The following TJP1 variants were observed in gnomAD, a reference collection of about 807,000 sequenced individuals.
TJP1 encodes tight junction protein ZO-1.
A neutral mutation model predicts 194.2 loss-of-function variants in TJP1; 43 were observed. The ratio of observed to expected loss-of-function variants is 0.22; its 90% CI spans 0.17 to 0.29. The LOEUF (loss-of-function observed/expected upper bound fraction) is 0.29. Ranked by LOEUF, TJP1 falls within the 10% of genes least tolerant of loss-of-function variation. The pLI, the probability that TJP1 is intolerant of heterozygous loss-of-function variation, is 1.00. For synonymous variants in TJP1, 801 were observed against 779.0 expected (o/e 1.03, Z -0.47); for missense variants, 1,971 against 2,185.7 (o/e 0.90, Z 1.96).
At chr15:29,762,923 T>C (rs1250113167) in intron 5 of TJP1, among the ~76,000 whole-genome samples, 2 of 152,080 alleles carry the variant, frequency 1.3e-5, no homozygotes, top group Non-Finnish European at 2.9e-5. Flanking sequence ...TTCTAAAGAG[T>C]AAACTGCTTG....
At chr15:29,716,470 TA>T in intron 23 of TJP1, 140 bp downstream of exon 23, 1 of 636,592 alleles carries the variant, frequency 1.6e-6, no homozygotes, top group Non-Finnish European at 2.6e-6. Context: ...ATCCCAGAAC[TA>T]AAAAGTATGT....
intron 15 of TJP1, among the ~76,000 whole-genome samples, chr15:29,730,127 A>C (rs1053465257): frequency 2.6e-5 from 4 of 152,348 alleles, no homozygotes; most frequent in African/African-American, 7.2e-5. Flanking sequence ...AATTGGATAT[A>C]AACTTTTCTA....
At chr15:29,882,015 T>G (rs555281984) in intron 2 of TJP1, among the ~76,000 whole-genome samples, 2 of 152,096 alleles carry the variant, frequency 1.3e-5, no homozygotes, top group East Asian at 3.9e-4. Flanking sequence ...AAATTTGAAG[T>G]TTTTCTTATT....
At chr15:29,820,201 A>C (rs2050231722) in intron 1 of TJP1, among the ~76,000 whole-genome samples, 1 of 151,876 alleles carries the variant, frequency 6.6e-6, no homozygotes, top group Admixed American at 6.6e-5. Context: ...GGGTGGGGAA[A>C]ACAAACGCAT....
At chr15:29,850,824 G>GA (rs1234695949) in intron 2 of TJP1, among the ~76,000 whole-genome samples, 2 of 151,240 alleles carry the variant, frequency 1.3e-5, no homozygotes, top group Admixed American at 6.6e-5. Flanking sequence ...GTCTCTATGA[G>GA]AAAAAACAAA....
chr15:29,934,439 T>C (rs1264284506), intron 2 of TJP1, among the ~76,000 whole-genome samples: 2 of 152,156 alleles, frequency 1.3e-5, no homozygotes, highest in East Asian at 3.9e-4. Flanking sequence ...TGGCATTAAG[T>C]TTATATTGAG....
At position 29,779,120 on chromosome 15, in the gene TJP1, T is replaced by C. The variant is rs1220171202; in HGVS notation, c.85-5763A>G. Among the ~76,000 whole-genome samples the C allele has an allele frequency of 2.0e-5, 3 of 152,290 alleles. No homozygotes were observed. The East Asian group carries it at 5.8e-4, about 29-fold the overall frequency. ...CGAATGTGGGTCACTACAGTAACGG[T>C]TGCTTAAAGTTATTTCCAGGAACCA... On this transcript the variant is annotated intron_variant, in intron 2 of 27. Coordinates refer to ENST00000614355, the MANE Select transcript of TJP1 (RefSeq NM_001330239.4).
intron 2 of TJP1, among the ~76,000 whole-genome samples, chr15:29,870,220 C>A (rs2052464974): frequency 6.6e-6 from 1 of 151,952 alleles, no homozygotes; most frequent in South Asian, 2.1e-4. Flanking sequence ...AAATAAATTA[C>A]TGAATGTGTA....
chr15:29,941,742 C>A (rs2055086707), intron 2 of TJP1, among the ~76,000 whole-genome samples: 1 of 152,184 alleles, frequency 6.6e-6, no homozygotes, highest in Non-Finnish European at 1.5e-5. Context: ...GTACACGTAT[C>A]ACGTGTTTGT....
At chr15:29,764,568 G>A (rs1274295597) in intron 5 of TJP1, among the ~76,000 whole-genome samples, 2 of 152,176 alleles carry the variant, frequency 1.3e-5, no homozygotes, top group East Asian at 1.9e-4. Flanking sequence ...GAAAAGGGTG[G>A]AGGCAGTGGA....
intron 2 of TJP1, among the ~76,000 whole-genome samples, chr15:29,948,340 C>T (rs1237876234): frequency 6.6e-6 from 1 of 150,998 alleles, no homozygotes; most frequent in African/African-American, 2.5e-5. Context: ...TTGCTCCTGT[C>T]CTAAACAGTC....
intron 23 of TJP1, among the ~76,000 whole-genome samples, chr15:29,711,912 A>G (rs528140581): frequency 9.2e-5 from 14 of 152,238 alleles, no homozygotes; most frequent in Admixed American, 2.6e-4. Flanking sequence ...CTTTTACTTT[A>G]AAATTTCCCC....
chr15:29,708,949 G>A lies in TJP1; in HGVS notation c.4460C>T (p.Pro1487Leu). 6.2e-7 allele frequency: 1 copy of A among 1,614,110 alleles called. No homozygotes were observed. The highest frequency in any genetic ancestry group is 8.5e-7 in the Non-Finnish European group (1 of 1,180,018). The change falls in exon 25 of 28, where the codon CCA becomes CTA. Residue 1487 changes from proline (P) to leucine (L), a missense_variant. Transcript: ENST00000614355. ...PSQNKPATFRPPNREDTAQAA... is the reference protein window; with the variant it reads ...PSQNKPATFRLPNREDTAQAA... Reference sequence around the variant, plus strand: ...CTGAGCAGTATCTTCTCGGTTTGGTGGTCTGAAAGTTGCTGGCTTATTCTG... The same window carrying A: ...CTGAGCAGTATCTTCTCGGTTTGGTAGTCTGAAAGTTGCTGGCTTATTCTG...
chr15:29,906,766 G>A (rs746246923), intron 2 of TJP1, among the ~76,000 whole-genome samples: 15 of 151,602 alleles, frequency 9.9e-5, no homozygotes, highest in East Asian at 2.0e-4. Context: ...TTTTAGTAGC[G>A]ATGGGGTTTC....
At chr15:29,747,533 A>G (rs1429003579) in intron 8 of TJP1, among the ~76,000 whole-genome samples, 2 of 152,184 alleles carry the variant, frequency 1.3e-5, no homozygotes, top group African/African-American at 4.8e-5. Flanking sequence ...AAGTGAAAAA[A>G]TAAGTTAAAA....
At position 29,821,997 on chromosome 15, in the gene TJP1, C is replaced by CTCA. The variant is rs2050410384; in HGVS notation, c.27+2_27+4dup. 9 of 1,334,826 alleles carry CTCA rather than the reference C, an allele frequency of 6.7e-6. No individual in the cohort carries two copies. The highest frequency in any genetic ancestry group is 1.5e-5 in the African/African-American group (1 of 66,298). The allele number at this position is 1,334,826 out of a possible 1,614,324, so 82.7% of individuals were successfully genotyped here. On this transcript the variant is annotated splice_donor_region_variant and intron_variant, in intron 1 of 27. Transcript: ENST00000614355. ...TCTGGCCCTGGCGGCCGCGGAGGCG[C>CTCA]TCACCTTGGCGGCCGCAGCTCTGGC...
At chr15:29,818,821 T>C (rs1359598925) in intron 1 of TJP1, among the ~76,000 whole-genome samples, 2 of 151,664 alleles carry the variant, frequency 1.3e-5, no homozygotes, top group South Asian at 2.1e-4. Flanking sequence ...TTTCCTTCAT[T>C]ACTTTTTGTT....
At chr15:29,753,039 T>C (rs1411448074) in intron 8 of TJP1, among the ~76,000 whole-genome samples, 1 of 152,216 alleles carries the variant, frequency 6.6e-6, no homozygotes, top group African/African-American at 2.4e-5. Context: ...TTATTTAATA[T>C]TGTCCCCTCC....
intron 8 of TJP1, among the ~76,000 whole-genome samples, chr15:29,750,572 A>C (rs764084691): frequency 5.9e-5 from 9 of 152,150 alleles, no homozygotes; most frequent in Non-Finnish European, 8.8e-5. Context: ...CTCCTGATTG[A>C]TAAGATATGC....
Sources: gnomAD v4.1 joint callset for allele counts (sites outside exome capture counted in the v4.1 genomes callset) on GRCh38, gnomAD v4.1.1 for gene constraint, MANE v1.5 for transcripts, NCBI Gene and HGNC (gene_info 2026-07-23, HGNC 2026-07-21) for gene names.